SECISBP2: variants seen among roughly 807,000 people sequenced by gnomAD.
SECISBP2 encodes SECIS binding protein 2.
In SECISBP2, 96 loss-of-function variants were observed where a neutral mutation model predicts 98.2. That is an observed-to-expected ratio of 0.98 (90% CI 0.83 to 1.16). The LOEUF is 1.16. Ranked by LOEUF, SECISBP2 falls within the 50% of genes most tolerant of loss-of-function variation. The pLI is 0.00. For synonymous variants in SECISBP2, 407 were observed against 370.2 expected, an observed-to-expected ratio of 1.10 and a Z score of -1.14; for missense variants, 1,046 against 1,022.9, an observed-to-expected ratio of 1.02 and a Z score of -0.31.
chr9:89,332,588 G>A (rs1827940999), intron 5 of SECISBP2: 1 of 383,288 alleles, frequency 2.6e-6, no homozygotes, highest in South Asian at 2.4e-5. Context: ...CCACATCTTG[G>A]CTGCTTCCAA....
intron 10 of SECISBP2, among the ~76,000 whole-genome samples, chr9:89,345,416 T>C (rs939623296): frequency 1.3e-5 from 2 of 152,162 alleles, no homozygotes; most frequent in African/African-American, 2.4e-5. Flanking sequence ...GGGGAGAGAC[T>C]CTGGGAAAAG....
rs188473344 is a variant in SECISBP2 at position 89,357,762 on chromosome 9, G to T, written c.2268+197G>T. ...TTGACATCATGGGTTGTCTGGTTCT[G>T]AACTGAGCTCTGTTCTGGGCTTGCT... On this transcript the variant is annotated intron_variant, in intron 15 of 16. Transcript: ENST00000375807. Among the ~76,000 whole-genome samples the T allele has an allele frequency of 3.9e-5, 6 of 152,360 alleles. No individual in the cohort carries two copies. In the East Asian group the frequency reaches 1.2e-3, roughly 29 times the overall value.
At chr9:89,363,334 C>CA (rs1231670250), downstream of SECISBP2, 2 of 1,540,026 alleles carry the variant, frequency 1.3e-6, no homozygotes, top group African/African-American at 2.7e-5. Flanking sequence ...AAGTGGGGTC[C>CA]ATGCTGAATG....
intron 14 of SECISBP2, among the ~76,000 whole-genome samples, chr9:89,356,280 A>G (rs1832060607): frequency 6.6e-6 from 1 of 152,234 alleles, no homozygotes; most frequent in African/African-American, 2.4e-5. Flanking sequence ...GAACAGTTTC[A>G]TCCCAAAACC....
chr9:89,323,017 G>A (rs866891157), intron 2 of SECISBP2: 5 of 152,176 alleles, frequency 3.3e-5, no homozygotes, highest in Admixed American at 2.6e-4. Context: ...ACTGGAAATA[G>A]TAAAGAAACT....
Position 89,342,795 on chromosome 9 carries a change from CAG to C in SECISBP2, c.1435+1319_1435+1320del, listed in dbSNP as rs552297488. On this transcript the variant is annotated intron_variant, in intron 10 of 16. Coordinates refer to ENST00000375807, the MANE Select transcript of SECISBP2 (RefSeq NM_024077.5). ...AATAGTGAGTTATTATTAATGGGGA[CAG>C]AGTATTCATTGGAGCATTAAAAAGT... Among the ~76,000 whole-genome samples, 14 of 152,150 alleles carry C rather than the reference CAG, an allele frequency of 9.2e-5. No homozygotes were observed. In the East Asian group the frequency reaches 2.5e-3, roughly 27 times the overall value.
downstream of SECISBP2, chr9:89,362,554 C>T: frequency 1.3e-6 from 2 of 1,544,790 alleles, no homozygotes; most frequent in Admixed American, 1.7e-5. Flanking sequence ...TGTTGTGGTT[C>T]CCCTCCTTGG....
chr9:89,344,439 T>C (rs976804298), intron 10 of SECISBP2, among the ~76,000 whole-genome samples: 3 of 152,246 alleles, frequency 2.0e-5, no homozygotes, highest in African/African-American at 7.2e-5. Flanking sequence ...TTTATAGTTC[T>C]GGGTTTTACG....
rs541559485 is a variant in SECISBP2, at chr9:89,330,831, T to C, written c.801+1945T>C. On this transcript the variant is annotated intron_variant, in intron 5 of 16. Coordinates refer to ENST00000375807, the MANE Select transcript of SECISBP2 (RefSeq NM_024077.5). The stretch of plus-strand genomic sequence containing the variant: ...GCCCTGCAGAAGTAGTCCAGGATGC[T>C]GTGTAAGCCTCAGGGTCAGCTCGTG... Among the ~76,000 whole-genome samples the C allele has an allele frequency of 3.3e-5, 5 of 152,336 alleles. No homozygotes were observed. In the East Asian group the frequency reaches 7.7e-4, roughly 24 times the overall value.
In SECISBP2 at chr9:89,349,639, CCT is replaced by C; in HGVS notation, c.1739-132_1739-131del. On this transcript the variant is annotated intron_variant, in intron 12 of 16. Coordinates refer to ENST00000375807, the MANE Select transcript of SECISBP2 (RefSeq NM_024077.5). ...GTCTGTTTTTTCTGCCTTCTGTAAA[CCT>C]CTCTGCATGTTGTCTGTGAATGTGG... The C allele has an allele frequency of 4.2e-6, 4 of 944,352 alleles. No homozygotes were observed. In the South Asian group the frequency reaches 5.5e-5, roughly 13 times the overall value. The allele number at this position is 944,352 out of a possible 1,614,324, so 58.5% of individuals were successfully genotyped here.
intron 4 of SECISBP2, among the ~76,000 whole-genome samples, chr9:89,327,127 G>T (rs929867845): frequency 1.3e-4 from 20 of 151,376 alleles, no homozygotes; most frequent in Non-Finnish European, 2.8e-4. Context: ...AAGCGTCCCT[G>T]CACTCCAGCC....
Position 89,319,744 on chromosome 9 carries a change from C to T in SECISBP2, c.129C>T (p.Phe43=). 1 of 1,614,154 alleles carries T rather than the reference C, an allele frequency of 6.2e-7. No individual in the cohort carries two copies. ...AWLESSEACV[F]PSSAATYYPF... is the part of the protein sequence containing the mutation. ...TAGAGTCCTCAGAAGCATGTGTCTT[C>T]CCCAGCTCTGCAGCCACATACTATC... The change falls in exon 2 of 17, where the codon TTC becomes TTT. Residue 43 remains phenylalanine, a synonymous_variant. Coordinates refer to ENST00000375807, the MANE Select transcript of SECISBP2 (RefSeq NM_024077.5).
At chr9:89,363,868 G>A (rs45515192), downstream of SECISBP2, 230,425 of 1,614,018 alleles carry the variant, frequency 0.14, 20,110 homozygotes, top group Admixed American at 0.4. Flanking sequence ...CCCTGCCATC[G>A]GGCAGTGCAT....
At chr9:89,349,605 G>A (rs1830952698) in intron 12 of SECISBP2, among the ~76,000 whole-genome samples, 171 bp from the exon 13 acceptor site, 1 of 152,208 alleles carries the variant, frequency 6.6e-6, no homozygotes, top group African/African-American at 2.4e-5. Flanking sequence ...GTTTTCCCCA[G>A]GCATCCTCGT....
intron 5 of SECISBP2, among the ~76,000 whole-genome samples, chr9:89,332,378 A>G (rs774265149): frequency 1.3e-5 from 2 of 152,182 alleles, no homozygotes; most frequent in African/African-American, 2.4e-5. Flanking sequence ...TGTGTCTTCT[A>G]AGAGTTTGGG....
At chr9:89,337,790 C>T (rs1263087179) in intron 7 of SECISBP2, among the ~76,000 whole-genome samples, 2 of 152,240 alleles carry the variant, frequency 1.3e-5, no homozygotes, top group Non-Finnish European at 2.9e-5. Flanking sequence ...CGACAACACG[C>T]AGACAGATGT....
rs140626128 is a variant in SECISBP2 at position 89,343,854 on chromosome 9, C to T, written c.1435+2375C>T. 1.1e-4 allele frequency among the ~76,000 whole-genome samples: 17 copies of T among 152,280 alleles called. No homozygotes were observed. In the East Asian group the frequency reaches 3.1e-3, roughly 28 times the overall value. On this transcript the variant is annotated intron_variant, in intron 10 of 16. Coordinates refer to ENST00000375807, the MANE Select transcript of SECISBP2 (RefSeq NM_024077.5). ...TGATTTATATTCCTTTGGGTATATACCCAGTAATGGGATTGCTGGGTCAAA... is the reference window on the plus strand; with the variant it reads ...TGATTTATATTCCTTTGGGTATATATCCAGTAATGGGATTGCTGGGTCAAA...
rs746642133 is a variant in SECISBP2 at position 89,348,180 on chromosome 9, T to A, written c.1704T>A (p.Gly568=). The change falls in exon 12 of 17, where the codon GGT becomes GGA. Residue 568 remains glycine, a synonymous_variant. Coordinates refer to ENST00000375807, the MANE Select transcript of SECISBP2 (RefSeq NM_024077.5). ...SDDTQDGESG[G]DDQFPEQAEL... ...ACACACAAGATGGAGAGAGTGGTGG[T>A]GATGACCAGTTTCCCGAGCAGGCAG... The A allele has an allele frequency of 6.2e-7, 1 of 1,614,216 alleles. No homozygotes were observed. The highest frequency in any genetic ancestry group is 1.7e-5 in the Admixed American group (1 of 60,028).
intron 14 of SECISBP2, chr9:89,354,964 C>A: frequency 2.0e-6 from 2 of 985,402 alleles, no homozygotes; most frequent in Non-Finnish European, 1.2e-6. Context: ...CCCCTTTTCC[C>A]AGCCCATCTG....
Sources: gnomAD v4.1 joint callset for allele counts (sites outside exome capture counted in the v4.1 genomes callset) on GRCh38, gnomAD v4.1.1 for gene constraint, MANE v1.5 for transcripts, NCBI Gene and HGNC (gene_info 2026-07-23, HGNC 2026-07-21) for gene names.